The following SPTAN1 variants were observed in gnomAD, a reference collection of about 807,000 sequenced individuals.
SPTAN1 encodes the protein spectrin alpha chain, non-erythrocytic 1.
A neutral mutation model predicts 331.3 loss-of-function variants in SPTAN1; 61 were observed. That is an observed-to-expected ratio of 0.18 (90% CI 0.15 to 0.23). The LOEUF is 0.23. Among genes scored for constraint, SPTAN1 ranks in the 10% least tolerant of loss-of-function variants. The probability of loss-of-function intolerance (pLI) is 1.00; values close to 1 mark genes in which losing one functional copy is unlikely to be tolerated. For missense variants in SPTAN1, 2,043 were observed against 3,147.9 expected (o/e 0.65, Z 8.40); for synonymous variants, 1,153 against 1,173.9 (o/e 0.98, Z 0.36).
At chr9:128,564,466 C>G (rs538614125) in intron 1 of SPTAN1, among the ~76,000 whole-genome samples, 1 of 151,634 alleles carries the variant, frequency 6.6e-6, no homozygotes, top group East Asian at 1.9e-4. Context: ...CACCCATAGT[C>G]ACAGCAAGTG....
At chr9:128,628,843 C>T (rs1859207040) in intron 51 of SPTAN1, 1 of 327,548 alleles carries the variant, frequency 3.1e-6, no homozygotes. Context: ...CCACCTGACT[C>T]CCCTCCCTGC....
intron 30 of SPTAN1, 38 bp from the exon 31 acceptor site, chr9:128,605,258 C>T (rs757470089): frequency 6.2e-7 from 1 of 1,613,986 alleles, no homozygotes; most frequent in African/African-American, 1.3e-5. Context: ...AGAGCATACC[C>T]CCTTACTGCA....
intron 2 of SPTAN1, among the ~76,000 whole-genome samples, chr9:128,567,977 G>T (rs1001200074): frequency 6.6e-5 from 10 of 150,890 alleles, no homozygotes; most frequent in African/African-American, 2.4e-4. Context: ...TGCCAGGCTG[G>T]TTTCGAACTC....
intron 22 of SPTAN1, 146 bp downstream of exon 22, chr9:128,591,771 C>A (rs1410145179): frequency 1.0e-6 from 1 of 971,370 alleles, no homozygotes; most frequent in Non-Finnish European, 1.5e-6. Flanking sequence ...AGCCCACAGA[C>A]CTCCCTGTGT....
chr9:128,580,242 C>T lies in SPTAN1; in HGVS notation c.1323+504C>T, dbSNP rs1298632480. ...TTATAATGAGTTATGATTTGCACCACTGCACTCTGGCTTGAGTGACAGAGT... is the reference window on the plus strand; with the variant it reads ...TTATAATGAGTTATGATTTGCACCATTGCACTCTGGCTTGAGTGACAGAGT... On this transcript the variant is annotated intron_variant, in intron 10 of 56. Coordinates refer to ENST00000372739, the MANE Select transcript of SPTAN1 (RefSeq NM_001130438.3). Among the ~76,000 whole-genome samples the T allele has an allele frequency of 2.0e-5, 3 of 151,400 alleles. No homozygotes were observed. In the East Asian group the frequency reaches 5.8e-4, roughly 29 times the overall value.
Position 128,578,249 on chromosome 9 carries a change from A to T in SPTAN1, c.1221+4A>T. 6.2e-7 allele frequency: 1 copy of T among 1,614,008 alleles called. No individual in the cohort carries two copies. The highest frequency in any genetic ancestry group is 8.5e-7 in the Non-Finnish European group (1 of 1,179,970). The stretch of plus-strand genomic sequence containing the variant: ...AGATAGACACCAAGAGCACAAGGTA[A>T]TGGTATCTCTAGAATCTTCCAGAAG... On this transcript the variant is annotated splice_donor_region_variant and intron_variant, in intron 9 of 56. Transcript: ENST00000372739.
chr9:128,624,376 G>T lies in SPTAN1; in HGVS notation c.5881G>T (p.Gly1961Trp), dbSNP rs142498180. The change falls in exon 46 of 57, where the codon GGG becomes TGG. Residue 1961 changes from glycine to tryptophan, a missense_variant. By Grantham distance (184) the Gly-to-Trp change is radical. Coordinates refer to ENST00000372739, the MANE Select transcript of SPTAN1 (RefSeq NM_001130438.3). ...CTCTTCAAAGATGAAGGGCCTGAAC[G>T]GGAAAGTGTCAGACCTGGAGAAAGC... The part of the protein sequence containing the change: ...NISSKMKGLN[G>W]KVSDLEKAAA... 6.2e-7 allele frequency: 1 copy of T among 1,614,018 alleles called. No individual in the cohort carries two copies. The highest frequency in any genetic ancestry group is 2.2e-5 in the East Asian group (1 of 44,874).
chr9:128,578,619 A>C lies in SPTAN1; in HGVS notation c.1221+374A>C, dbSNP rs1358710106. On this transcript the variant is annotated intron_variant, in intron 9 of 56. Transcript: ENST00000372739. Reference sequence around the variant, plus strand: ...GCTGAGGCGGGTGGATCATGAGGTCAAGAGATCAAGACCATCCATGCCAAC... The same window carrying C: ...GCTGAGGCGGGTGGATCATGAGGTCCAGAGATCAAGACCATCCATGCCAAC... Among the ~76,000 whole-genome samples, 3 of 152,282 alleles carry C rather than the reference A, an allele frequency of 2.0e-5. No individual in the cohort carries two copies. The East Asian group carries it at 5.8e-4, about 29-fold the overall frequency.
chr9:128,631,466 AT>A (rs1286813908), intron 52 of SPTAN1: 1 of 152,394 alleles, frequency 6.6e-6, no homozygotes, highest in East Asian at 1.9e-4. Flanking sequence ...TCTGAAAAAA[AT>A]TACTTGGGCA....
Position 128,576,810 on chromosome 9 carries a change from C to G in SPTAN1, c.652-13C>G. On this transcript the variant is annotated splice_polypyrimidine_tract_variant and intron_variant, in intron 5 of 56. Coordinates refer to ENST00000372739, the MANE Select transcript of SPTAN1 (RefSeq NM_001130438.3). ...GTTGTGTACAAATCCAGTCTCTTCT[C>G]TTCCTTGTTTAGGAGCAGCACCCTG... The G allele has an allele frequency of 6.2e-7, 1 of 1,613,308 alleles. No homozygotes were observed. Among genetic ancestry groups the G allele is most frequent in the Non-Finnish European group, 8.5e-7 (1 of 1,179,994 alleles).
intron 45 of SPTAN1, 46 bp downstream of exon 45, chr9:128,621,302 C>G: frequency 6.5e-7 from 1 of 1,546,482 alleles, no homozygotes; most frequent in South Asian, 1.1e-5. Flanking sequence ...ACTGGGACAC[C>G]CACGTGTTGG....
chr9:128,594,937 G>A (rs1854063876), intron 24 of SPTAN1, among the ~76,000 whole-genome samples: 2 of 145,684 alleles, frequency 1.4e-5, no homozygotes, highest in African/African-American at 5.1e-5. Context: ...AAGCAGTTCT[G>A]TCTCAGCCTC....
intron 1 of SPTAN1, among the ~76,000 whole-genome samples, chr9:128,563,881 G>T (rs768619495): frequency 6.6e-6 from 1 of 151,686 alleles, no homozygotes; most frequent in East Asian, 1.9e-4. Flanking sequence ...CAAGCAATCC[G>T]CCCACCTCAG....
chr9:128,617,893 C>T, intron 42 of SPTAN1, 94 bp from the exon 43 acceptor site: 1 of 1,612,796 alleles, frequency 6.2e-7, no homozygotes, highest in South Asian at 1.1e-5. Context: ...CTGGAGAAGT[C>T]CCAAACTTGA....
intron 3 of SPTAN1, among the ~76,000 whole-genome samples, chr9:128,574,366 A>G (rs1379661650): frequency 6.7e-6 from 1 of 148,324 alleles, no homozygotes; most frequent in Non-Finnish European, 1.5e-5. Context: ...TAAATGAAAT[A>G]TAAAGATATT....
Position 128,632,952 on chromosome 9 carries a change from C to T in SPTAN1, c.7305C>T (p.Tyr2435=), listed in dbSNP as rs527570862. The T allele has an allele frequency of 2.5e-6, 4 of 1,612,030 alleles. No homozygotes were observed. The highest frequency in any genetic ancestry group is 1.6e-4 in the Middle Eastern group (1 of 6,062). Residue 2435 remains tyrosine, a synonymous_variant, in exon 56 of 57, where the codon TAC becomes TAT. Coordinates refer to ENST00000372739, the MANE Select transcript of SPTAN1 (RefSeq NM_001130438.3). Reference sequence around the variant, plus strand: ...CTTACGTGACCAAGGAGGAGCTCTACCAGGTATGGGCCTCAGGAGGTGGGT... The same window carrying T: ...CTTACGTGACCAAGGAGGAGCTCTATCAGGTATGGGCCTCAGGAGGTGGGT... ...GKPYVTKEEL[Y]QNLTREQADY...
chr9:128,563,112 G>T (rs750606387), intron 1 of SPTAN1, among the ~76,000 whole-genome samples: 5 of 150,822 alleles, frequency 3.3e-5, no homozygotes, highest in African/African-American at 4.9e-5. Flanking sequence ...AGGACTTGAC[G>T]TCTGTTTTAA....
chr9:128,566,012 T>A (rs1314706201), intron 1 of SPTAN1, among the ~76,000 whole-genome samples: 1 of 152,320 alleles, frequency 6.6e-6, no homozygotes, highest in East Asian at 1.9e-4. Context: ...GGCGTTAATC[T>A]GTATCTGTTT....
rs767012741 is a variant in SPTAN1 at position 128,617,620 on chromosome 9, G to A, written c.5358-20G>A. Reference sequence around the variant, plus strand: ...GGGAGGTGCAGAGACTGACTGTGCTGTTTCCCATCTCTCATTCAGGGAGAA... The same window carrying A: ...GGGAGGTGCAGAGACTGACTGTGCTATTTCCCATCTCTCATTCAGGGAGAA... On this transcript the variant is annotated intron_variant, in intron 41 of 56. Coordinates refer to ENST00000372739, the MANE Select transcript of SPTAN1 (RefSeq NM_001130438.3). The A allele has an allele frequency of 1.2e-6, 2 of 1,614,130 alleles. No homozygotes were observed. The highest frequency in any genetic ancestry group is 2.2e-5 in the East Asian group (1 of 44,880).
Sources: allele counts gnomAD v4.1 joint callset (sites outside exome capture counted in the v4.1 genomes callset), GRCh38; gene constraint gnomAD v4.1.1; transcripts MANE v1.5; gene names NCBI Gene and HGNC (gene_info 2026-07-23, HGNC 2026-07-21).